PAQR8: variants seen among roughly 807,000 people sequenced by gnomAD.
PAQR8 encodes membrane progestin receptor beta.
In PAQR8, 17 loss-of-function variants were observed where a neutral mutation model predicts 25.2. That is an observed-to-expected ratio of 0.67 (90% confidence interval 0.46 to 1.01). The LOEUF is 1.01. Ranked by LOEUF, PAQR8 falls within the 50% of genes least tolerant of loss-of-function variation. PAQR8 has a pLI of 0.00. For missense variants in PAQR8, 392 were observed against 448.4 expected (o/e 0.87, Z 1.14); for synonymous variants, 204 against 190.6 (o/e 1.07, Z -0.58).
intron 1 of PAQR8, among the ~76,000 whole-genome samples, chr6:52,377,174 C>T (rs1218392743): frequency 6.6e-6 from 1 of 152,134 alleles, no homozygotes. Flanking sequence ...ACTGAATAAG[C>T]TTAAAATGGA....
At position 52,383,762 on chromosome 6, in the gene PAQR8, T is replaced by C. The variant is rs76670372; in HGVS notation, c.-52-19400T>C. On this transcript the variant is annotated intron_variant, in intron 1 of 1. Coordinates refer to ENST00000442253, the MANE Select transcript of PAQR8 (RefSeq NM_133367.5). ...ATTTGCTCTTTTATTCTGCATGATATCAAGCAGTGGTTGATGCTTACAGAT... is the reference window on the plus strand; with the variant it reads ...ATTTGCTCTTTTATTCTGCATGATACCAAGCAGTGGTTGATGCTTACAGAT... Among the ~76,000 whole-genome samples the C allele has an allele frequency of 9.0e-3, 1,372 of 152,208 alleles. 20 individuals carry two copies. Among genetic ancestry groups the C allele is most frequent in the African/African-American group, 0.031 (1,273 of 41,542 alleles).
intron 1 of PAQR8, among the ~76,000 whole-genome samples, chr6:52,402,095 G>C (rs534866090): frequency 6.6e-6 from 1 of 152,308 alleles, no homozygotes; most frequent in South Asian, 2.1e-4. Context: ...AGGCATGGTG[G>C]CTTAACGCCT....
In PAQR8 at chr6:52,404,567, A is replaced by C; in HGVS notation, c.*289A>C. On this transcript the variant is annotated 3_prime_UTR_variant, in exon 2 of 2. Coordinates refer to ENST00000442253, the MANE Select transcript of PAQR8 (RefSeq NM_133367.5). ...AAGGAGAATCATCTTCATGCCTGAA[A>C]ATTTAGCAAAATTCCGACTATGGCC... The C allele has an allele frequency of 3.5e-6, 1 of 286,368 alleles. No homozygotes were observed. The highest frequency in any genetic ancestry group is 4.8e-5 in the Admixed American group (1 of 20,974). The allele number at this position is 286,368 out of a possible 1,614,324, so 17.7% of individuals were successfully genotyped here. A position where few individuals can be genotyped will look rare whatever the true frequency, so the allele number is the denominator to read the frequency against.
chr6:52,380,640 C>T (rs944476650), intron 1 of PAQR8, among the ~76,000 whole-genome samples: 6 of 152,188 alleles, frequency 3.9e-5, no homozygotes, highest in African/African-American at 1.2e-4. Context: ...GCTGAGAAAA[C>T]GTACATTTTT....
At chr6:52,384,206 C>CACT (rs1763602130) in intron 1 of PAQR8, among the ~76,000 whole-genome samples, 1 of 151,374 alleles carries the variant, frequency 6.6e-6, no homozygotes, top group African/African-American at 2.4e-5. Flanking sequence ...TGGTTTTAAA[C>CACT]ACTATGTTTA....
intron 1 of PAQR8, among the ~76,000 whole-genome samples, chr6:52,369,163 G>A (rs1763389204): frequency 6.6e-6 from 1 of 152,142 alleles, no homozygotes; most frequent in Non-Finnish European, 1.5e-5. Context: ...ATATACAATG[G>A]AGGTAATAGG....
rs1163810999 is a variant in PAQR8 at position 52,391,874 on chromosome 6, T to C, written c.-52-11288T>C. 4.6e-5 allele frequency among the ~76,000 whole-genome samples: 7 copies of C among 152,324 alleles called. No individual in the cohort carries two copies. The East Asian group carries it at 1.2e-3, about 25-fold the overall frequency. The stretch of plus-strand genomic sequence containing the variant: ...CAACCAGCAGGTCACTTTCCTACCA[T>C]CTGTGTGAGTCCCACACACAGTGAC... On this transcript the variant is annotated intron_variant, in intron 1 of 1. Coordinates refer to ENST00000442253, the MANE Select transcript of PAQR8 (RefSeq NM_133367.5).
chr6:52,403,280 C>T lies in PAQR8; in HGVS notation c.67C>T (p.Pro23Ser). The T allele has an allele frequency of 1.2e-6, 2 of 1,613,372 alleles. No homozygotes were observed. The highest frequency in any genetic ancestry group is 1.7e-6 in the Non-Finnish European group (2 of 1,179,452). ...SVSGQQLRRL[P>S]KILEDGLPKM... The stretch of plus-strand genomic sequence containing the variant: ...CAGCGGGCAGCAGCTGCGCCGCCTG[C>T]CCAAGATCCTGGAGGATGGGCTTCC... The change falls in exon 2 of 2, where the codon CCC becomes TCC. Residue 23 changes from proline to serine, a missense_variant. Physicochemically the swap from Pro to Ser is moderately conservative, Grantham distance 74. Coordinates refer to ENST00000442253, the MANE Select transcript of PAQR8 (RefSeq NM_133367.5).
At chr6:52,378,468 A>C (rs1763510841) in intron 1 of PAQR8, among the ~76,000 whole-genome samples, 1 of 152,204 alleles carries the variant, frequency 6.6e-6, no homozygotes, top group South Asian at 2.1e-4. Context: ...AGATATAACA[A>C]AATTTTGTGG....
intron 1 of PAQR8, among the ~76,000 whole-genome samples, chr6:52,383,677 AC>A (rs1354561147): frequency 1.3e-5 from 2 of 148,556 alleles, no homozygotes; most frequent in Admixed American, 6.8e-5. Flanking sequence ...AAAAAAAAAA[AC>A]CAGGAATTCC....
rs1763923135 is a variant in PAQR8 at position 52,407,338 on chromosome 6, T to A, written c.*3060T>A. ...TGCCTAATTCTTCCTGACCTGTATT[T>A]ACTGATGCTTAATAATACTTGTAAG... On this transcript the variant is annotated 3_prime_UTR_variant, in exon 2 of 2. Transcript: ENST00000442253. 1 of 167,092 alleles carries A rather than the reference T, an allele frequency of 6.0e-6. No individual in the cohort carries two copies. Among genetic ancestry groups the A allele is most frequent in the Non-Finnish European group, 1.5e-5 (1 of 68,122 alleles). The allele number at this position is 167,092 out of a possible 1,614,324, so 10.4% of individuals were successfully genotyped here. A position where few individuals can be genotyped will look rare whatever the true frequency, so the allele number is the denominator to read the frequency against.
intron 1 of PAQR8, among the ~76,000 whole-genome samples, chr6:52,379,944 A>G (rs1364872678): frequency 3.3e-5 from 5 of 149,730 alleles, no homozygotes; most frequent in Non-Finnish European, 7.4e-5. Context: ...TGTATTTTTA[A>G]GAGATGGGGT....
intron 1 of PAQR8, among the ~76,000 whole-genome samples, chr6:52,402,354 C>A (rs775043600): frequency 5.3e-5 from 8 of 149,566 alleles, no homozygotes; most frequent in Non-Finnish European, 8.9e-5. Flanking sequence ...CAGAGCAAGA[C>A]CCTGTTTCAA....
At chr6:52,391,336 A>G (rs938646614) in intron 1 of PAQR8, among the ~76,000 whole-genome samples, 3 of 152,264 alleles carry the variant, frequency 2.0e-5, no homozygotes, top group African/African-American at 7.2e-5. Flanking sequence ...AGTTATTTTA[A>G]TAAGTGCATA....
chr6:52,403,928 G>A lies in PAQR8; in HGVS notation c.715G>A (p.Gly239Ser). Reference protein sequence around the residue: ...AHRVALCHLAGCQEQAAWYHT... With the variant: ...AHRVALCHLASCQEQAAWYHT... ...CCGTGTGGCGCTCTGTCACCTGGCT[G>A]GCTGCCAGGAGCAAGCAGCCTGGTA... is the stretch of plus-strand genomic sequence containing the variant. The change falls in exon 2 of 2, where the codon GGC becomes AGC. Residue 239 changes from glycine to serine, a missense_variant. Gly to Ser is a moderately conservative substitution (Grantham distance 56). Transcript: ENST00000442253. 6.2e-7 allele frequency: 1 copy of A among 1,614,218 alleles called. No individual in the cohort carries two copies.
chr6:52,374,609 C>T lies in PAQR8; in HGVS notation c.-53+12360C>T, dbSNP rs546374056. Among the ~76,000 whole-genome samples, 5 of 152,202 alleles carry T rather than the reference C, an allele frequency of 3.3e-5. 1 individual carries two copies. The highest frequency in any genetic ancestry group is 1.2e-4 in the African/African-American group (5 of 41,532). On this transcript the variant is annotated intron_variant, in intron 1 of 1. Transcript: ENST00000442253. ...TTTGCAGGGTCTTGCTATGTTGGTG[C>T]CCAGGTTGGTCTTGAACTCCTGGGC...
rs1763307603 is a variant in PAQR8 at position 52,362,890 on chromosome 6, G to A, written c.-53+641G>A. Among the ~76,000 whole-genome samples, 1 of 152,168 alleles carries A rather than the reference G, an allele frequency of 6.6e-6. No individual in the cohort carries two copies. The highest frequency in any genetic ancestry group is 1.5e-5 in the Non-Finnish European group (1 of 68,030). ...ATGGAGGGGGCTTCTCTGAGAGGGT[G>A]GGCGCGAGGAGCGGAGTTGTGATGG... On this transcript the variant is annotated intron_variant, in intron 1 of 1. Coordinates refer to ENST00000442253, the MANE Select transcript of PAQR8 (RefSeq NM_133367.5). This position sits in a 1 kb window ranked among gnomAD's most constrained non-coding sequence, Gnocchi z 4.1.
intron 1 of PAQR8, among the ~76,000 whole-genome samples, chr6:52,365,683 C>T (rs2113932044): frequency 6.6e-6 from 1 of 152,162 alleles, no homozygotes; most frequent in African/African-American, 2.4e-5. Flanking sequence ...ACAAATAGAA[C>T]ATTTTGGTTT....
chr6:52,399,063 A>C lies in PAQR8; in HGVS notation c.-52-4099A>C, dbSNP rs532288256. Among the ~76,000 whole-genome samples, 22 of 152,268 alleles carry C rather than the reference A, an allele frequency of 1.4e-4. No homozygotes were observed. The South Asian group carries it at 4.6e-3, about 32-fold the overall frequency. ...TCTGTGGCTGCATTTTAAAGATCTCATTTGTAAGGGAAATGATGATTCTGC... is the reference window on the plus strand; with the variant it reads ...TCTGTGGCTGCATTTTAAAGATCTCCTTTGTAAGGGAAATGATGATTCTGC... On this transcript the variant is annotated intron_variant, in intron 1 of 1. Transcript: ENST00000442253.
Sources: gnomAD v4.1 joint callset for allele counts (sites outside exome capture counted in the v4.1 genomes callset) on GRCh38, gnomAD v4.1.1 for gene constraint, Gnocchi (gnomAD v3.1) non-coding constraint, MANE v1.5 for transcripts, NCBI Gene and HGNC (gene_info 2026-07-23, HGNC 2026-07-21) for gene names.